PI4KA: variants seen among roughly 807,000 people sequenced by gnomAD.
PI4KA encodes phosphatidylinositol 4-kinase alpha, also known as PI4-kinase alpha.
PI4KA carries 122 observed loss-of-function variants against 271.4 expected under a neutral mutation model. The observed-to-expected ratio is 0.45, with a 90% CI of 0.39 to 0.52. PI4KA has a LOEUF of 0.52. Among genes scored for constraint, PI4KA ranks in the 20% least tolerant of loss-of-function variants. The pLI, the probability that PI4KA is intolerant of heterozygous loss-of-function variation, is 0.00. For missense variants in PI4KA, 1,969 were observed against 2,769.1 expected, an observed-to-expected ratio of 0.71 and a Z score of 6.48; for synonymous variants, 1,041 against 1,078.8, an observed-to-expected ratio of 0.96 and a Z score of 0.69.
chr22:20,800,086 C>T (rs553764188), intron 14 of PI4KA, among the ~76,000 whole-genome samples: 69 of 152,250 alleles, frequency 4.5e-4, no homozygotes, highest in African/African-American at 1.5e-3. Context: ...CAAAGACAAA[C>T]GGTCCCAAGA....
intron 43 of PI4KA, among the ~76,000 whole-genome samples, chr22:20,721,057 G>C (rs1406953116): frequency 1.3e-5 from 2 of 152,190 alleles, no homozygotes; most frequent in Non-Finnish European, 2.9e-5. Context: ...GGAGCAGAAG[G>C]GTCTCACTCG....
chr22:20,847,944 G>C (rs1163310521), intron 1 of PI4KA, among the ~76,000 whole-genome samples: 1 of 152,042 alleles, frequency 6.6e-6, no homozygotes, highest in Non-Finnish European at 1.5e-5. Context: ...CTATTGTTTA[G>C]ATGGCAATAC....
At chr22:20,811,461 G>C (rs773924589) in intron 8 of PI4KA, among the ~76,000 whole-genome samples, 1 of 151,998 alleles carries the variant, frequency 6.6e-6, no homozygotes, top group Non-Finnish European at 1.5e-5. Context: ...CTTCCTCTCC[G>C]GGCCAGGTGC....
At chr22:20,836,855 C>T (rs1297350201) in intron 2 of PI4KA, among the ~76,000 whole-genome samples, 1 of 152,188 alleles carries the variant, frequency 6.6e-6, no homozygotes, top group African/African-American at 2.4e-5. Context: ...GACACTTGTG[C>T]TCATCTATTT....
chr22:20,729,456 CG>C lies in PI4KA; in HGVS notation c.4538del (p.Pro1513ArgfsTer5). 6.2e-7 allele frequency: 1 copy of C among 1,610,938 alleles called. No individual in the cohort carries two copies. The highest frequency in any genetic ancestry group is 8.5e-7 in the Non-Finnish European group (1 of 1,178,424). On this transcript the variant is annotated frameshift_variant, in exon 39 of 55. Transcript: ENST00000255882. LOFTEE classifies it high-confidence loss of function. Reference sequence around the variant, plus strand: ...CTCCGGCCTGGTCTAGTTCCAGTTCCGGGGCTGACAGCGGGTTGTACCATGT... The same window carrying C: ...CTCCGGCCTGGTCTAGTTCCAGTTCCGGGCTGACAGCGGGTTGTACCATGT... ...LITWYNPLSAPELELDQAGEN... is the reference protein window; with the variant it reads ...LITWYNPLSAXELELDQAGEN...
intron 18 of PI4KA, among the ~76,000 whole-genome samples, chr22:20,794,829 T>C (rs1934880973): frequency 6.6e-6 from 1 of 152,198 alleles, no homozygotes; most frequent in Admixed American, 6.5e-5. Flanking sequence ...ACCCAACACC[T>C]GTTCTTGCAA....
chr22:20,718,018 G>T (rs1448416507), intron 44 of PI4KA, among the ~76,000 whole-genome samples: 1 of 152,152 alleles, frequency 6.6e-6, no homozygotes, highest in African/African-American at 2.4e-5. Flanking sequence ...GTGCGGGGGT[G>T]TGTGGCTGGG....
chr22:20,841,794 GAAGA>G (rs1925586607), intron 1 of PI4KA, among the ~76,000 whole-genome samples: 1 of 152,188 alleles, frequency 6.6e-6, no homozygotes, highest in African/African-American at 2.4e-5. Flanking sequence ...ATTAAAAGGA[GAAGA>G]GAGAGGCAGA....
rs190565118 is a variant in PI4KA at position 20,820,663 on chromosome 22, A to G, written c.457-52T>C. The G allele has an allele frequency of 1.6e-4, 208 of 1,275,488 alleles. No homozygotes were observed. In the African/African-American group the frequency reaches 2.6e-3, roughly 16 times the overall value. The allele number at this position is 1,275,488 out of a possible 1,614,324, so 79.0% of individuals were successfully genotyped here. ...AAAAAACATAAACAAAATTAGGTAAATATCACGAAACTAAGTCAGAATTAG... is the reference window on the plus strand; with the variant it reads ...AAAAAACATAAACAAAATTAGGTAAGTATCACGAAACTAAGTCAGAATTAG... On this transcript the variant is annotated intron_variant, in intron 4 of 54. Transcript: ENST00000255882.
chr22:20,776,013 C>T (rs749863478), intron 19 of PI4KA, among the ~76,000 whole-genome samples: 1 of 152,124 alleles, frequency 6.6e-6, no homozygotes, highest in Non-Finnish European at 1.5e-5. Context: ...CTATTTGCAG[C>T]TACATACATT....
intron 38 of PI4KA, 62 bp from the exon 39 acceptor site, chr22:20,729,568 C>T (rs956429663): frequency 1.9e-5 from 29 of 1,550,652 alleles, no homozygotes; most frequent in Non-Finnish European, 2.3e-5. Flanking sequence ...CACACTGCCC[C>T]GGCCACCAGG....
At chr22:20,804,748 T>C (rs1249304995) in intron 11 of PI4KA, among the ~76,000 whole-genome samples, 4 of 152,154 alleles carry the variant, frequency 2.6e-5, no homozygotes, top group Non-Finnish European at 5.9e-5. Context: ...GCCACGGGCA[T>C]CCCCATCCTC....
chr22:20,765,288 C>G, intron 20 of PI4KA, 52 bp from the exon 21 acceptor site: 1 of 1,535,544 alleles, frequency 6.5e-7, no homozygotes, highest in Non-Finnish European at 8.8e-7. Context: ...GAAAGCACTG[C>G]AGTGAGGTTG....
chr22:20,832,530 T>C (rs1198788244), intron 3 of PI4KA, among the ~76,000 whole-genome samples: 1 of 152,168 alleles, frequency 6.6e-6, no homozygotes, highest in Non-Finnish European at 1.5e-5. Flanking sequence ...CTCAGCTCAC[T>C]GCAACCTCTA....
In PI4KA at chr22:20,804,311, A is replaced by T; in HGVS notation, c.1450T>A (p.Cys484Ser). The change falls in exon 12 of 55, where the codon TGC becomes AGC. Residue 484 changes from cysteine (C) to serine (S), a missense_variant. Around this residue, in one of 13 missense-constraint regions of PI4KA, gnomAD observed 228 missense variants for 261.6 expected, o/e 0.87. Coordinates refer to ENST00000255882, the MANE Select transcript of PI4KA (RefSeq NM_058004.4). ...VIIAHLPLLI[C>S]CLQGLGRLCE... ...TCAGGGAGACTGACCTGCAGACAGC[A>T]GATCAGCAGGGGCAAGTGAGCAATA... 6.2e-7 allele frequency: 1 copy of T among 1,610,718 alleles called. No individual in the cohort carries two copies. Among genetic ancestry groups the T allele is most frequent in the Non-Finnish European group, 8.5e-7 (1 of 1,176,852 alleles).
At chr22:20,785,734 T>C (rs929515355) in intron 19 of PI4KA, among the ~76,000 whole-genome samples, 2 of 151,664 alleles carry the variant, frequency 1.3e-5, no homozygotes, top group African/African-American at 4.8e-5. Context: ...CCAGGAAAAG[T>C]TCTGCTGCTA....
chr22:20,843,444 T>G (rs1925850102), intron 1 of PI4KA, among the ~76,000 whole-genome samples: 1 of 41,026 alleles, frequency 2.4e-5, no homozygotes, highest in Non-Finnish European at 4.9e-5. Context: ...AAGGCTGCAG[T>G]GAGCTGTGAT....
At chr22:20,718,486 C>G (rs995836153) in intron 44 of PI4KA, among the ~76,000 whole-genome samples, 1 of 152,190 alleles carries the variant, frequency 6.6e-6, no homozygotes, top group Admixed American at 6.5e-5. Context: ...TTCTGCCATA[C>G]CTTCAAGAGC....
chr22:20,825,472 G>A (rs2147721790), intron 3 of PI4KA, among the ~76,000 whole-genome samples: 1 of 152,282 alleles, frequency 6.6e-6, no homozygotes. Flanking sequence ...ATGCATGCCT[G>A]TAATCCCAGG....
Sources: allele counts gnomAD v4.1 joint callset (sites outside exome capture counted in the v4.1 genomes callset), GRCh38; gene constraint gnomAD v4.1.1; regional missense constraint gnomAD v4.1.1; transcripts MANE v1.5; gene names NCBI Gene and HGNC (gene_info 2026-07-23, HGNC 2026-07-21).